Variants in ROBO2 observed in about 807,000 individuals in gnomAD.
ROBO2 encodes the protein roundabout guidance receptor 2.
ROBO2 carries 53 observed loss-of-function variants against 160.8 expected under a neutral mutation model. The observed-to-expected ratio is 0.33, with a 90% CI of 0.26 to 0.41. The LOEUF is 0.41. ROBO2 is among the 10% of genes least tolerant of loss of function. ROBO2 has a pLI of 1.00. For synonymous variants in ROBO2, 664 were observed against 611.7 expected (o/e 1.09, Z -1.26); for missense variants, 1,577 against 1,722.4 (o/e 0.92, Z 1.49).
At chr3:76,068,063 C>T (rs937244049) in intron 2 of ROBO2, among the ~76,000 whole-genome samples, 10 of 152,156 alleles carry the variant, frequency 6.6e-5, no homozygotes, top group South Asian at 2.1e-4. Flanking sequence ...GGAGGGTGGA[C>T]GGTTACAAGG....
At chr3:76,338,130 A>G (rs1218149368) in intron 2 of ROBO2, among the ~76,000 whole-genome samples, 2 of 152,190 alleles carry the variant, frequency 1.3e-5, no homozygotes, top group Admixed American at 1.3e-4. Context: ...CTTTAAGTAC[A>G]TAGCTATAAG....
intron 2 of ROBO2, among the ~76,000 whole-genome samples, chr3:77,428,683 G>A (rs1560806918): frequency 6.6e-6 from 1 of 152,016 alleles, no homozygotes; most frequent in Admixed American, 6.6e-5. Context: ...AATGTTCCTT[G>A]GATGCTTGTA....
chr3:77,479,866 A>G (rs2084473718), intron 3 of ROBO2, among the ~76,000 whole-genome samples: 2 of 152,138 alleles, frequency 1.3e-5, no homozygotes, highest in Admixed American at 6.6e-5. Context: ...CCAGCAGGCT[A>G]GTTCAGTCGG....
chr3:77,527,472 T>C, intron 6 of ROBO2, 58 bp downstream of exon 7: 4 of 1,149,478 alleles, frequency 3.5e-6, no homozygotes, highest in Non-Finnish European at 4.6e-6. Flanking sequence ...TCATAACTCA[T>C]GCATAGTAAG....
chr3:77,327,654 A>C (rs993070384), intron 2 of ROBO2, among the ~76,000 whole-genome samples: 8 of 152,202 alleles, frequency 5.3e-5, no homozygotes, highest in Non-Finnish European at 1.2e-4. Flanking sequence ...CCAACTGAAG[A>C]TAGAAGTGGT....
intron 1 of ROBO2, among the ~76,000 whole-genome samples, chr3:77,096,624 A>G (rs1323156297): frequency 6.6e-6 from 1 of 151,806 alleles, no homozygotes; most frequent in Non-Finnish European, 1.5e-5. Flanking sequence ...AAGTTTTTAC[A>G]TTTTTAGTAG....
chr3:76,078,324 T>C (rs529194358), intron 2 of ROBO2, among the ~76,000 whole-genome samples: 1 of 152,322 alleles, frequency 6.6e-6, no homozygotes, highest in South Asian at 2.1e-4. Context: ...CACAACTCAG[T>C]CCTAGTGTTG....
chr3:77,516,154 C>T lies in ROBO2; in HGVS notation c.807-6621C>T, dbSNP rs7629734. Among the ~76,000 whole-genome samples the T allele has an allele frequency of 8.4e-3, 1,273 of 151,652 alleles. 14 individuals are homozygous for T. Among genetic ancestry groups the T allele is most frequent in the African/African-American group, 0.029 (1,217 of 41,450 alleles). On this transcript the variant is annotated intron_variant, in intron 5 of 25. Coordinates refer to ENST00000461745, the Ensembl canonical transcript of ROBO2. The stretch of plus-strand genomic sequence containing the variant: ...TTTGAAATTGTTATTTTTACACATG[C>T]TATAATTCCTTTGTTAAGAAACGAG...
chr3:76,631,264 G>A (rs1349926193), intron 2 of ROBO2, among the ~76,000 whole-genome samples: 1 of 152,162 alleles, frequency 6.6e-6, no homozygotes, highest in African/African-American at 2.4e-5. Context: ...CAGAACAGTA[G>A]TTTATGTAAC....
chr3:76,267,042 T>A (rs1707142141), intron 2 of ROBO2, among the ~76,000 whole-genome samples: 1 of 152,178 alleles, frequency 6.6e-6, no homozygotes, highest in African/African-American at 2.4e-5. Flanking sequence ...TGTGTGCATG[T>A]TCCTTAGGTT....
At chr3:76,127,105 AG>A (rs2071019477) in intron 2 of ROBO2, among the ~76,000 whole-genome samples, 1 of 152,160 alleles carries the variant, frequency 6.6e-6, no homozygotes, top group Non-Finnish European at 1.5e-5. Context: ...TTTGAAGCAA[AG>A]CTTTTCCTTA....
intron 2 of ROBO2, among the ~76,000 whole-genome samples, chr3:76,304,541 CTGATGGCTTGT>C (rs1468919794): frequency 6.6e-6 from 1 of 152,100 alleles, no homozygotes; most frequent in Admixed American, 6.5e-5. Flanking sequence ...AAATTTTATT[CTGATGGCTTGT>C]TGATGGAGTA....
At chr3:76,714,315 T>C (rs1318679657) in intron 2 of ROBO2, among the ~76,000 whole-genome samples, 1 of 152,144 alleles carries the variant, frequency 6.6e-6, no homozygotes, top group African/African-American at 2.4e-5. Flanking sequence ...AGTTAATTTT[T>C]CTAAGGGTGT....
chr3:76,245,757 G>T (rs1705578930), intron 2 of ROBO2, among the ~76,000 whole-genome samples: 1 of 151,996 alleles, frequency 6.6e-6, no homozygotes, highest in South Asian at 2.1e-4. Context: ...TCTAGCCATT[G>T]CTCAGAATAA....
chr3:77,068,191 C>T (rs544087817), intron 1 of ROBO2, among the ~76,000 whole-genome samples: 3 of 152,214 alleles, frequency 2.0e-5, no homozygotes, highest in African/African-American at 7.2e-5. Flanking sequence ...TTTTCTCTCA[C>T]CACTGAGAGT....
chr3:76,049,967 C>G (rs557284846), intron 2 of ROBO2, among the ~76,000 whole-genome samples: 2 of 152,248 alleles, frequency 1.3e-5, no homozygotes, highest in South Asian at 4.1e-4. Flanking sequence ...TAAATGAGTG[C>G]AGAATGGTTT....
chr3:77,007,902 C>G (rs1476435377), intron 2 of ROBO2, among the ~76,000 whole-genome samples: 2 of 151,786 alleles, frequency 1.3e-5, no homozygotes, highest in African/African-American at 4.8e-5. Flanking sequence ...ATTTACTTGC[C>G]AAAGAATTAT....
chr3:77,146,071 C>T (rs1319038795), intron 2 of ROBO2, among the ~76,000 whole-genome samples: 1 of 152,194 alleles, frequency 6.6e-6, no homozygotes, highest in Non-Finnish European at 1.5e-5. Context: ...AACTCCCAGC[C>T]TGCTGCCATG....
At chr3:76,372,464 A>G (rs530247406) in intron 2 of ROBO2, among the ~76,000 whole-genome samples, 81 of 152,048 alleles carry the variant, frequency 5.3e-4, no homozygotes, top group African/African-American at 1.8e-3. Context: ...TTTTGTTTGA[A>G]AATAGTTTTT....
Sources: gnomAD v4.1 joint callset for allele counts (sites outside exome capture counted in the v4.1 genomes callset) on GRCh38, gnomAD v4.1.1 for gene constraint, MANE v1.5 for transcripts, NCBI Gene and HGNC (gene_info 2026-07-23, HGNC 2026-07-21) for gene names.